Variants in ADAMTS12 observed in about 807,000 individuals in gnomAD.
ADAMTS12 encodes the protein ADAM metallopeptidase with thrombospondin type 1 motif 12.
A neutral mutation model predicts 167.8 loss-of-function variants in ADAMTS12; 118 were observed. The observed-to-expected ratio is 0.70, with a 90% confidence interval of 0.61 to 0.82. The LOEUF (loss-of-function observed/expected upper bound fraction) is 0.82. ADAMTS12 is among the 40% of genes least tolerant of loss of function. ADAMTS12 has a pLI of 0.00. For synonymous variants in ADAMTS12, 704 were observed against 716.9 expected (o/e 0.98, Z 0.29); for missense variants, 1,916 against 1,998.8 (o/e 0.96, Z 0.79).
Position 33,527,101 on chromosome 5 carries a change from A to AAACCTC in ADAMTS12, c.*81_*86dup. On this transcript the variant is annotated 3_prime_UTR_variant, in exon 24 of 24. Coordinates refer to ENST00000504830, the MANE Select transcript of ADAMTS12 (RefSeq NM_030955.4). The stretch of plus-strand genomic sequence containing the variant: ...AGCTGAATCTGAAATATATGAAGCA[A>AAACCTC]AACCTCAACGAAGCAGCTCCCAGGG... 6.6e-7 allele frequency: 1 copy of AAACCTC among 1,509,958 alleles called. No individual in the cohort carries two copies. Among genetic ancestry groups the AAACCTC allele is most frequent in the Non-Finnish European group, 9.0e-7 (1 of 1,107,188 alleles). 93.5% of individuals were successfully genotyped at this position (1,509,958 alleles called of 1,614,324 possible).
chr5:33,565,855 G>T (rs577847216), intron 19 of ADAMTS12, among the ~76,000 whole-genome samples: 240 of 152,086 alleles, frequency 1.6e-3, no homozygotes, highest in African/African-American at 5.5e-3. Flanking sequence ...CTTCATTTTG[G>T]CTTAATTTGC....
At chr5:33,614,187 A>G (rs79306594) in intron 16 of ADAMTS12, 51 bp downstream of exon 16, 21,673 of 1,596,978 alleles carry the variant, frequency 0.014, 255 homozygotes, top group African/African-American at 0.065. Flanking sequence ...TCACCTCTAC[A>G]AACTGCTCTG....
chr5:33,544,541 C>G (rs904438263), intron 22 of ADAMTS12, among the ~76,000 whole-genome samples: 1 of 152,116 alleles, frequency 6.6e-6, no homozygotes, highest in African/African-American at 2.4e-5. Flanking sequence ...CAAAAAAGAG[C>G]CTGCAGTGCC....
At chr5:33,668,686 G>T (rs1298176721) in intron 5 of ADAMTS12, among the ~76,000 whole-genome samples, 4 of 152,298 alleles carry the variant, frequency 2.6e-5, no homozygotes, top group African/African-American at 7.2e-5. Flanking sequence ...GTTTCACCAT[G>T]TTGGCCAGGC....
At position 33,881,129 on chromosome 5, in the gene ADAMTS12, C is replaced by T. The variant is rs143961813; in HGVS notation, c.479G>A (p.Cys160Tyr). Residue 160 changes from cysteine to tyrosine, a missense_variant, in exon 2 of 24, where the codon TGC (cysteine) becomes TAC (tyrosine). Transcript: ENST00000504830. ...TRVGTAALSACHGLTGFFQLP... is the reference protein window; with the variant it reads ...TRVGTAALSAYHGLTGFFQLP... ...AGAGCCCACACTCACCAGTCCATGG[C>T]AGGCACTGAGGGCTGCCGTCCCAAC... is the stretch of plus-strand genomic sequence containing the variant. 2.0e-5 allele frequency: 33 copies of T among 1,613,220 alleles called. No individual in the cohort carries two copies. In the African/African-American group the frequency reaches 4.0e-4, roughly 20 times the overall value.
At chr5:33,801,544 C>T (rs80232500) in intron 2 of ADAMTS12, among the ~76,000 whole-genome samples, 2,244 of 152,302 alleles carry the variant, frequency 0.015, 64 homozygotes, top group African/African-American at 0.052. Context: ...CTTTCCCAAA[C>T]AGGTTCTGTC....
intron 2 of ADAMTS12, among the ~76,000 whole-genome samples, chr5:33,804,443 G>T (rs1406786858): frequency 6.6e-6 from 1 of 152,144 alleles, no homozygotes; most frequent in Non-Finnish European, 1.5e-5. Context: ...CTGCATGAGG[G>T]GCCAAGCCCA....
intron 5 of ADAMTS12, among the ~76,000 whole-genome samples, chr5:33,669,531 T>TTGGAATA (rs1741594847): frequency 6.6e-6 from 1 of 152,164 alleles, no homozygotes; most frequent in Admixed American, 6.6e-5. Context: ...CCATTTGTTT[T>TTGGAATA]CGGAATACAT....
chr5:33,710,546 G>A (rs4866341), intron 3 of ADAMTS12, among the ~76,000 whole-genome samples: 26,063 of 152,208 alleles, frequency 0.17, 2,318 homozygotes, highest in East Asian at 0.27. Context: ...TACTAGAAAT[G>A]GAGAAGATAT....
intron 22 of ADAMTS12, among the ~76,000 whole-genome samples, chr5:33,535,723 G>A (rs1251198535): frequency 1.3e-5 from 2 of 152,078 alleles, no homozygotes; most frequent in East Asian, 1.9e-4. Context: ...GTGGTACTTC[G>A]GCCTGAACTA....
At chr5:33,800,987 G>C (rs79867934) in intron 2 of ADAMTS12, among the ~76,000 whole-genome samples, 2 of 152,106 alleles carry the variant, frequency 1.3e-5, no homozygotes, top group African/African-American at 4.8e-5. Context: ...GCTTATGAGA[G>C]GAATGCAGAA....
intron 3 of ADAMTS12, among the ~76,000 whole-genome samples, chr5:33,714,957 G>A (rs559931970): frequency 5.3e-5 from 8 of 152,072 alleles, no homozygotes; most frequent in East Asian, 1.9e-4. Context: ...GTTTTGAAAC[G>A]TTCCCAAAAT....
In ADAMTS12 at chr5:33,523,535, T is replaced by A. The variant is rs1345836197; in HGVS notation, c.*3653A>T. The A allele has an allele frequency of 6.6e-6, 1 of 152,142 alleles. No individual in the cohort carries two copies. The highest frequency in any genetic ancestry group is 2.1e-4 in the South Asian group (1 of 4,816). 9.4% of individuals were successfully genotyped at this position (152,142 alleles called of 1,614,324 possible). The stretch of plus-strand genomic sequence containing the variant: ...TAAAAGAATCACACAGAAACATCAA[T>A]GAGTTTGGCTATTTATTGATGCCAC... On this transcript the variant is annotated 3_prime_UTR_variant, in exon 24 of 24. Coordinates refer to ENST00000504830, the MANE Select transcript of ADAMTS12 (RefSeq NM_030955.4).
chr5:33,774,456 T>C (rs1405284056), intron 2 of ADAMTS12, among the ~76,000 whole-genome samples: 2 of 152,124 alleles, frequency 1.3e-5, no homozygotes, highest in African/African-American at 4.8e-5. Context: ...TTTGAAATAA[T>C]GCAAAAGGAT....
chr5:33,858,751 C>T (rs1402200230), intron 2 of ADAMTS12, among the ~76,000 whole-genome samples: 1 of 152,016 alleles, frequency 6.6e-6, no homozygotes, highest in African/African-American at 2.4e-5. Flanking sequence ...CTCTGGTCTG[C>T]AGCTCCAGTG....
intron 21 of ADAMTS12, among the ~76,000 whole-genome samples, chr5:33,548,549 T>C (rs921184509): frequency 6.6e-6 from 1 of 152,170 alleles, no homozygotes; most frequent in Non-Finnish European, 1.5e-5. Context: ...GTGGATGTAG[T>C]TGGGAGTATG....
At chr5:33,817,939 T>C (rs1324702562) in intron 2 of ADAMTS12, among the ~76,000 whole-genome samples, 1 of 152,138 alleles carries the variant, frequency 6.6e-6, no homozygotes, top group Non-Finnish European at 1.5e-5. Flanking sequence ...AAATAGAGCA[T>C]TGAGGTTTTA....
Position 33,524,050 on chromosome 5 carries a change from A to G in ADAMTS12, c.*3138T>C, listed in dbSNP as rs767501180. The G allele has an allele frequency of 6.6e-6, 1 of 152,266 alleles. No individual in the cohort carries two copies. Among genetic ancestry groups the G allele is most frequent in the African/African-American group, 2.4e-5 (1 of 41,450 alleles). The allele number at this position is 152,266 out of a possible 1,614,324, so 9.4% of individuals were successfully genotyped here. A position where few individuals can be genotyped will look rare whatever the true frequency, so the allele number is the denominator to read the frequency against. On this transcript the variant is annotated 3_prime_UTR_variant, in exon 24 of 24. Transcript: ENST00000504830. ...ATTATCTAAAACAATATAATCTCTC[A>G]CATTGTGTTTCAGATACTGGATGAA... is the stretch of plus-strand genomic sequence containing the variant.
intron 2 of ADAMTS12, among the ~76,000 whole-genome samples, chr5:33,794,502 C>G (rs78940572): frequency 6.6e-6 from 1 of 151,746 alleles, no homozygotes; most frequent in African/African-American, 2.4e-5. Context: ...CAGCCTGCTG[C>G]AGCTTATTCT....
Sources: allele counts gnomAD v4.1 joint callset (sites outside exome capture counted in the v4.1 genomes callset), GRCh38; gene constraint gnomAD v4.1.1; transcripts MANE v1.5; gene names NCBI Gene and HGNC (gene_info 2026-07-23, HGNC 2026-07-21).